The following BRF2 variants were observed in gnomAD, a reference collection of about 807,000 sequenced individuals.
BRF2 encodes BRF2 general transcription factor IIIB subunit, also known as transcription factor IIIB 50 kDa subunit.
In BRF2, 17 loss-of-function variants were observed where a neutral mutation model predicts 26.6. The ratio of observed to expected loss-of-function variants is 0.64; its 90% CI spans 0.44 to 0.96. The LOEUF (loss-of-function observed/expected upper bound fraction) is 0.96. BRF2 is among the 40% of genes least tolerant of loss of function. The pLI is 0.00. For missense variants in BRF2, 515 were observed against 537.0 expected, an observed-to-expected ratio of 0.96 and a Z score of 0.40; for synonymous variants, 219 against 226.6, an observed-to-expected ratio of 0.97 and a Z score of 0.30.
rs774905494 is a variant in BRF2, at chr8:37,844,491, CAGGG to C, written c.1255_1258del (p.Pro419AspfsTer15). On this transcript the variant is annotated frameshift_variant and stop_lost, in exon 4 of 4. Transcript: ENST00000220659. LOFTEE classifies it high-confidence loss of function. The stretch of plus-strand genomic sequence containing the variant: ...TGAAGTGCTCCCAGTGGATATCCAT[CAGGG>C]AGGGTTAGGGACACTCGTGGCAGCC... 6.1e-5 allele frequency: 99 copies of C among 1,611,908 alleles called. No homozygotes were observed. The highest frequency in any genetic ancestry group is 8.1e-5 in the Non-Finnish European group (95 of 1,179,396).
chr8:37,846,025 T>G (rs985570554), intron 3 of BRF2, among the ~76,000 whole-genome samples: 4 of 152,086 alleles, frequency 2.6e-5, no homozygotes, highest in South Asian at 4.1e-4. Context: ...AGTCATTAGG[T>G]TGCTGTGAAG....
intron 1 of BRF2, 35 bp from the exon 2 acceptor site, chr8:37,848,690 C>T: frequency 6.4e-7 from 1 of 1,573,584 alleles, no homozygotes; most frequent in Non-Finnish European, 8.7e-7. Context: ...GTGTGCTTAG[C>T]CTTTATTCAT....
In BRF2 at chr8:37,844,741, C is replaced by G. The variant is rs544967349; in HGVS notation, c.1009G>C (p.Glu337Gln). ...PGWGQGQGEG[E>Q]VGNNSLGLPQ... ...AAACCTAAGGAATTATTTCCCACCT[C>G]CCCTTCTCCTTGCCCCTGTCCCCAC... The change falls in exon 4 of 4, where the codon GAG becomes CAG. Residue 337 changes from glutamate to glutamine, a missense_variant. Glu to Gln is a conservative substitution (Grantham distance 29). Coordinates refer to ENST00000220659, the MANE Select transcript of BRF2 (RefSeq NM_018310.4). 6.2e-7 allele frequency: 1 copy of G among 1,614,096 alleles called. No homozygotes were observed. Among genetic ancestry groups the G allele is most frequent in the South Asian group, 1.1e-5 (1 of 91,084 alleles).
At chr8:37,847,220 T>C (rs770224778) in intron 2 of BRF2, 45 bp from the exon 3 acceptor site, 136 of 1,562,620 alleles carry the variant, frequency 8.7e-5, no homozygotes, top group Non-Finnish European at 1.2e-4. Flanking sequence ...AAAGGAGCTA[T>C]CGTGCAACTC....
chr8:37,847,489 C>G (rs1021594088), intron 2 of BRF2: 1 of 460,316 alleles, frequency 2.2e-6, no homozygotes, highest in Non-Finnish European at 4.2e-6. Flanking sequence ...AAACCTTATA[C>G]TGAATTGCTG....
At position 37,848,597 on chromosome 8, in the gene BRF2, T is replaced by G; in HGVS notation, c.213A>C (p.Arg71=). The G allele has an allele frequency of 6.2e-7, 1 of 1,614,054 alleles. No individual in the cohort carries two copies. The highest frequency in any genetic ancestry group is 8.5e-7 in the Non-Finnish European group (1 of 1,179,918). Residue 71 remains arginine, a splice_region_variant and synonymous_variant, in exon 2 of 4, where the codon CGA becomes CGC. Coordinates refer to ENST00000220659, the MANE Select transcript of BRF2 (RefSeq NM_018310.4). The stretch of plus-strand genomic sequence containing the variant: ...GTGTTGTAAAAGGTCAATTCTCACC[T>G]CGTTGCTGGCTGCGACTAACTTGTT... ...ENEQVSRSQQ[R]GLRRVRDLCR... is the part of the protein sequence containing the mutation.
At position 37,844,874 on chromosome 8, in the gene BRF2, A is replaced by T. The variant is rs758382548; in HGVS notation, c.876T>A (p.Ser292=). 1.2e-6 allele frequency: 2 copies of T among 1,614,080 alleles called. No homozygotes were observed. The highest frequency in any genetic ancestry group is 2.7e-5 in the African/African-American group (2 of 74,936). ...WLRVLRLDKR[S]VVKHIGDLLQ... ...GAAGGTCACCGATGTGCTTCACCAC[A>T]GACCGTTTGTCAAGTCTCAGAACTC... Residue 292 remains serine (S), a synonymous_variant, in exon 4 of 4, where the codon TCT becomes TCA. Transcript: ENST00000220659.
intron 3 of BRF2, 30 bp from the exon 4 acceptor site, chr8:37,845,243 T>C (rs1390924541): frequency 6.4e-6 from 10 of 1,573,118 alleles, no homozygotes; most frequent in South Asian, 5.6e-5. Context: ...GGTTGGATCT[T>C]AATGATATAG....
chr8:37,843,436 G>A lies in BRF2; in HGVS notation c.*1054C>T, dbSNP rs1470332441. The A allele has an allele frequency of 6.6e-6, 1 of 152,268 alleles. No homozygotes were observed. The highest frequency in any genetic ancestry group is 1.9e-4 in the East Asian group (1 of 5,202). The allele number at this position is 152,268 out of a possible 1,614,324, so 9.4% of individuals were successfully genotyped here. On this transcript the variant is annotated 3_prime_UTR_variant, in exon 4 of 4. Coordinates refer to ENST00000220659, the MANE Select transcript of BRF2 (RefSeq NM_018310.4). Reference sequence around the variant, plus strand: ...AGCTCAAGCCAAGCCCAGAGGCAGTGGCTGGGGTCCCTGCAGGTCATGAGG... The same window carrying A: ...AGCTCAAGCCAAGCCCAGAGGCAGTAGCTGGGGTCCCTGCAGGTCATGAGG...
At position 37,846,934 on chromosome 8, in the gene BRF2, A is replaced by C. The variant is rs769671855; in HGVS notation, c.456T>G (p.Thr152=). 1 of 1,614,022 alleles carries C rather than the reference A, an allele frequency of 6.2e-7. No individual in the cohort carries two copies. The highest frequency in any genetic ancestry group is 1.3e-5 in the African/African-American group (1 of 74,946). The part of the protein sequence containing the change: ...LYADLDVFSS[T]YMQIVKLLGL... ...CCAGGAGCTTCACTATCTGCATGTA[A>C]GTGCTAGAAAACACATCCAAATCTG... The change falls in exon 3 of 4, where the codon ACT becomes ACG. Residue 152 remains threonine, a synonymous_variant. Coordinates refer to ENST00000220659, the MANE Select transcript of BRF2 (RefSeq NM_018310.4).
At position 37,847,007 on chromosome 8, in the gene BRF2, T is replaced by C; in HGVS notation, c.383A>G (p.Gln128Arg). The change falls in exon 3 of 4, where the codon CAG becomes CGG. Residue 128 changes from glutamine (Q) to arginine (R), a missense_variant. Gln to Arg is a conservative substitution (Grantham distance 43). Transcript: ENST00000220659. ...VGCCVLITCR[Q>R]HNWPLTMGAI... The stretch of plus-strand genomic sequence containing the variant: ...CCCCATTGTTAGGGGCCAGTTATGC[T>C]GTCGGCAGGTGATTAAGACGCAGCA... 6.2e-7 allele frequency: 1 copy of C among 1,614,238 alleles called. No individual in the cohort carries two copies. Among genetic ancestry groups the C allele is most frequent in the South Asian group, 1.1e-5 (1 of 91,090 alleles).
At position 37,845,149 on chromosome 8, in the gene BRF2, G is replaced by C. The variant is rs1563358268; in HGVS notation, c.601C>G (p.Leu201Val). Residue 201 changes from leucine to valine, a missense_variant, in exon 4 of 4, where the codon CTG (leucine) becomes GTG (valine). Coordinates refer to ENST00000220659, the MANE Select transcript of BRF2 (RefSeq NM_018310.4). ...TCCACCAACTGCATTGTTCGAGACA[G>C]CATCTTCTCTTTGTCTTCCACGTAT... Reference protein sequence around the residue: ...AKYVEDKEKMLSRTMQLVELA... With the variant: ...AKYVEDKEKMVSRTMQLVELA... 6.2e-7 allele frequency: 1 copy of C among 1,613,274 alleles called. No individual in the cohort carries two copies. Among genetic ancestry groups the C allele is most frequent in the African/African-American group, 1.3e-5 (1 of 75,052 alleles).
In BRF2 at chr8:37,844,461, C is replaced by T. The variant is rs1461748180; in HGVS notation, c.*29G>A. ...CAGGAATGTTATCAAGCTGTCAGAA[C>T]AGGATGAAGTGCTCCCAGTGGATAT... is the stretch of plus-strand genomic sequence containing the variant. On this transcript the variant is annotated 3_prime_UTR_variant, in exon 4 of 4. Coordinates refer to ENST00000220659, the MANE Select transcript of BRF2 (RefSeq NM_018310.4). 6.2e-7 allele frequency: 1 copy of T among 1,603,510 alleles called. No homozygotes were observed.
At chr8:37,845,985 C>A (rs1434140687) in intron 3 of BRF2, among the ~76,000 whole-genome samples, 1 of 152,216 alleles carries the variant, frequency 6.6e-6, no homozygotes, top group South Asian at 2.1e-4. Context: ...CTCAGCAGCC[C>A]TGTGCCAAGA....
In BRF2 at chr8:37,844,484, T is replaced by C; in HGVS notation, c.*6A>G. On this transcript the variant is annotated 3_prime_UTR_variant, in exon 4 of 4. Coordinates refer to ENST00000220659, the MANE Select transcript of BRF2 (RefSeq NM_018310.4). Reference sequence around the variant, plus strand: ...AACAGGATGAAGTGCTCCCAGTGGATATCCATCAGGGAGGGTTAGGGACAC... The same window carrying C: ...AACAGGATGAAGTGCTCCCAGTGGACATCCATCAGGGAGGGTTAGGGACAC... The C allele has an allele frequency of 6.2e-7, 1 of 1,611,216 alleles. No individual in the cohort carries two copies. The highest frequency in any genetic ancestry group is 2.2e-5 in the East Asian group (1 of 44,844).
In BRF2 at chr8:37,844,847, GAGA is replaced by G. The variant is rs1563358061; in HGVS notation, c.900_902del (p.Leu301del). ...AGCGGACCAGTGACTGGCGGTGCTG[GAGA>G]AGGTCACCGATGTGCTTCACCACAG... is the stretch of plus-strand genomic sequence containing the variant. On this transcript the variant is annotated inframe_deletion, in exon 4 of 4. Coordinates refer to ENST00000220659, the MANE Select transcript of BRF2 (RefSeq NM_018310.4). 2 of 1,614,192 alleles carry G rather than the reference GAGA, an allele frequency of 1.2e-6. No individual in the cohort carries two copies. Among genetic ancestry groups the G allele is most frequent in the South Asian group, 2.2e-5 (2 of 91,090 alleles).
intron 1 of BRF2, among the ~76,000 whole-genome samples, chr8:37,849,094 A>C (rs1490612117): frequency 6.6e-6 from 1 of 152,054 alleles, no homozygotes; most frequent in Non-Finnish European, 1.5e-5. Flanking sequence ...GGCTAATTAA[A>C]AAAAAATTTT....
chr8:37,848,671 C>T lies in BRF2; in HGVS notation c.155-16G>A. 2 of 1,609,210 alleles carry T rather than the reference C, an allele frequency of 1.2e-6. No homozygotes were observed. The highest frequency in any genetic ancestry group is 2.2e-5 in the South Asian group (2 of 91,002). ...TATGTTACCTCTGTAAGATAATAAACAACAAATAGTGTGCTTAGCCTTTAT... is the reference window on the plus strand; with the variant it reads ...TATGTTACCTCTGTAAGATAATAAATAACAAATAGTGTGCTTAGCCTTTAT... On this transcript the variant is annotated splice_polypyrimidine_tract_variant and intron_variant, in intron 1 of 3. Coordinates refer to ENST00000220659, the MANE Select transcript of BRF2 (RefSeq NM_018310.4).
At chr8:37,845,911 A>T in intron 3 of BRF2, 1 of 575,116 alleles carries the variant, frequency 1.7e-6, no homozygotes, top group Non-Finnish European at 3.1e-6. Flanking sequence ...TCAGCCACAA[A>T]GCCCATGGCA....
Sources: gnomAD v4.1 joint callset for allele counts (sites outside exome capture counted in the v4.1 genomes callset) on GRCh38, gnomAD v4.1.1 for gene constraint, MANE v1.5 for transcripts, NCBI Gene and HGNC (gene_info 2026-07-23, HGNC 2026-07-21) for gene names.